Variants in CDC42EP4 observed in about 807,000 individuals in gnomAD.
The protein encoded by CDC42EP4 is CDC42 effector protein 4, also known as CDC42 effector protein (Rho GTPase binding) 4.
A neutral mutation model predicts 5.6 loss-of-function variants in CDC42EP4; 6 were observed. The ratio of observed to expected loss-of-function variants is 1.07; its 90% CI spans 0.59 to 2.12. CDC42EP4 has a LOEUF of 2.12. CDC42EP4 is among the 30% of genes most tolerant of loss of function. The pLI is 0.00. For synonymous variants in CDC42EP4, 230 were observed against 224.2 expected, an observed-to-expected ratio of 1.03 and a Z score of -0.23; for missense variants, 490 against 508.6, an observed-to-expected ratio of 0.96 and a Z score of 0.35.
At chr17:73,298,229 C>G (rs1181923769) in intron 1 of CDC42EP4, among the ~76,000 whole-genome samples, 1 of 152,124 alleles carries the variant, frequency 6.6e-6, no homozygotes, top group Non-Finnish European at 1.5e-5. Context: ...AAGCCAGACA[C>G]GTTTATTAGG....
chr17:73,298,324 C>A (rs1248258376), intron 1 of CDC42EP4, among the ~76,000 whole-genome samples: 1 of 152,170 alleles, frequency 6.6e-6, no homozygotes, highest in Admixed American at 6.5e-5. Flanking sequence ...GAGATCGGGA[C>A]CCTCTCAAAA....
chr17:73,295,771 G>A (rs1260212680), intron 1 of CDC42EP4, among the ~76,000 whole-genome samples: 1 of 151,984 alleles, frequency 6.6e-6, no homozygotes, highest in Non-Finnish European at 1.5e-5. Context: ...CAGGCATGGT[G>A]GCGGGTGCCT....
chr17:73,305,393 G>C (rs1310266552), intron 1 of CDC42EP4, among the ~76,000 whole-genome samples: 1 of 152,212 alleles, frequency 6.6e-6, no homozygotes, highest in African/African-American at 2.4e-5. Flanking sequence ...GATCGCAGAG[G>C]AAAGTGCCGC....
chr17:73,311,585 C>G (rs530850996), intron 1 of CDC42EP4: 2 of 152,632 alleles, frequency 1.3e-5, no homozygotes, highest in African/African-American at 4.8e-5. Context: ...GCCGGGAGTT[C>G]CAGCGTGGAG....
intron 1 of CDC42EP4, among the ~76,000 whole-genome samples, chr17:73,298,598 G>A (rs2062200587): frequency 6.6e-6 from 1 of 152,238 alleles, no homozygotes; most frequent in Non-Finnish European, 1.5e-5. Flanking sequence ...GGGGTCACAT[G>A]AGGGCAACCA....
At chr17:73,291,618 AG>A (rs2062161622) in intron 1 of CDC42EP4, among the ~76,000 whole-genome samples, 1 of 152,086 alleles carries the variant, frequency 6.6e-6, no homozygotes, top group Admixed American at 6.5e-5. Flanking sequence ...ATGGTGACTC[AG>A]CTCTGGGGAA....
In CDC42EP4 at chr17:73,285,163, C is replaced by A. The variant is rs1424891411; in HGVS notation, c.*267G>T. On this transcript the variant is annotated 3_prime_UTR_variant, in exon 2 of 2. Transcript: ENST00000335793. This position sits in a 1 kb window ranked among gnomAD's most constrained non-coding sequence, Gnocchi z 6.8. ...GGAGGCCAACAGAGGAAAACCTATTCCTGCTGTGACAACACAGCCCTTGTC... is the reference window on the plus strand; with the variant it reads ...GGAGGCCAACAGAGGAAAACCTATTACTGCTGTGACAACACAGCCCTTGTC... 9.4e-6 allele frequency: 3 copies of A among 318,420 alleles called. No homozygotes were observed. Among genetic ancestry groups the A allele is most frequent in the Non-Finnish European group, 1.7e-5 (3 of 173,238 alleles). The allele number at this position is 318,420 out of a possible 1,614,324, so 19.7% of individuals were successfully genotyped here.
chr17:73,304,492 C>T (rs530093773), intron 1 of CDC42EP4, among the ~76,000 whole-genome samples: 39 of 152,164 alleles, frequency 2.6e-4, no homozygotes, highest in African/African-American at 9.1e-4. Context: ...CCAACAATCC[C>T]ATGGAGTTAT....
chr17:73,292,484 G>A (rs1245261294), intron 1 of CDC42EP4, among the ~76,000 whole-genome samples: 2 of 151,756 alleles, frequency 1.3e-5, no homozygotes, highest in Admixed American at 6.6e-5. Flanking sequence ...CCCAGGGCAC[G>A]TGTGTAGTGT....
chr17:73,297,396 C>G (rs1373261715), intron 1 of CDC42EP4, among the ~76,000 whole-genome samples: 2 of 151,784 alleles, frequency 1.3e-5, no homozygotes, highest in African/African-American at 4.8e-5. Flanking sequence ...ATCTCTTGAA[C>G]CCGGGAGGCG....
rs1303517779 is a variant in CDC42EP4, at chr17:73,286,272, T to C, written c.229A>G (p.Ser77Gly). The change falls in exon 2 of 2, where the codon AGT becomes GGT. Residue 77 changes from serine (S) to glycine (G), a missense_variant. Transcript: ENST00000335793. This position sits in a 1 kb window ranked among gnomAD's most constrained non-coding sequence, Gnocchi z 7.7. ...CCCCGGAACTTCCTGGACAGGAGACTGCGTTTGGAAGATGAAGAAGAGGGC... is the reference window on the plus strand; with the variant it reads ...CCCCGGAACTTCCTGGACAGGAGACCGCGTTTGGAAGATGAAGAAGAGGGC... ...EQPSSSSSKR[S>G]LLSRKFRGSK... The C allele has an allele frequency of 2.5e-6, 4 of 1,614,186 alleles. No individual in the cohort carries two copies. The highest frequency in any genetic ancestry group is 2.5e-6 in the Non-Finnish European group (3 of 1,180,044).
chr17:73,299,691 C>G (rs1168322089), intron 1 of CDC42EP4, among the ~76,000 whole-genome samples: 1 of 152,094 alleles, frequency 6.6e-6, no homozygotes, highest in Non-Finnish European at 1.5e-5. Flanking sequence ...GGTGATGCTG[C>G]CTGACCTGTG....
At chr17:73,306,806 AAG>A (rs2062246164) in intron 1 of CDC42EP4, 1 of 152,338 alleles carries the variant, frequency 6.6e-6, no homozygotes, top group Non-Finnish European at 1.5e-5. Context: ...ACAGGCAGGA[AAG>A]AGAAGCCAGC....
At chr17:73,310,394 G>A (rs1046015483) in intron 1 of CDC42EP4, among the ~76,000 whole-genome samples, 2 of 152,106 alleles carry the variant, frequency 1.3e-5, no homozygotes, top group Non-Finnish European at 2.9e-5. Context: ...TGGCTGCTGG[G>A]GTTCGGACGA....
intron 1 of CDC42EP4, among the ~76,000 whole-genome samples, chr17:73,290,714 CG>C (rs2145310473): frequency 6.6e-6 from 1 of 152,268 alleles, no homozygotes; most frequent in East Asian, 1.9e-4. Context: ...AGCAGGGAGG[CG>C]GGTGTGGATG....
chr17:73,302,577 A>G (rs1568345342), intron 1 of CDC42EP4, among the ~76,000 whole-genome samples: 1 of 152,086 alleles, frequency 6.6e-6, no homozygotes, highest in African/African-American at 2.4e-5. Context: ...CCTAGGCTCA[A>G]GCAATCCTTC....
Position 73,284,017 on chromosome 17 carries a change from T to A in CDC42EP4, c.*1413A>T, listed in dbSNP as rs573408812. 2 of 152,252 alleles carry A rather than the reference T, an allele frequency of 1.3e-5. No homozygotes were observed. The highest frequency in any genetic ancestry group is 1.5e-5 in the Non-Finnish European group (1 of 68,050). 9.4% of individuals were successfully genotyped at this position (152,252 alleles called of 1,614,324 possible). ...AACCGGCAGTCAACCTCAGGGCTCA[T>A]ACCCGAGCTTCTGCTCAATCCCCTC... On this transcript the variant is annotated 3_prime_UTR_variant, in exon 2 of 2. Transcript: ENST00000335793.
At chr17:73,307,764 T>C (rs1362952701) in intron 1 of CDC42EP4, among the ~76,000 whole-genome samples, 47 of 142,132 alleles carry the variant, frequency 3.3e-4, no homozygotes, top group African/African-American at 8.5e-4. Context: ...TTCTCTCTTT[T>C]TTTTTTTTTT....
chr17:73,297,996 G>GAA lies in CDC42EP4; in HGVS notation c.-112-11386_-112-11385dup, dbSNP rs34291199. Among the ~76,000 whole-genome samples, 158 of 103,372 alleles carry GAA rather than the reference G, an allele frequency of 1.5e-3. 1 individual carries two copies. The highest frequency in any genetic ancestry group is 4.0e-3 in the African/African-American group (117 of 29,134). The allele number at this position is 103,372 out of a possible 152,430, so 67.8% of individuals were successfully genotyped here. On this transcript the variant is annotated intron_variant, in intron 1 of 1. Transcript: ENST00000335793. ...AAACAAACAAACAAACAACAACAGC[G>GAA]AAAAAAAAAAAAAAACCCAAAGTAT...
Sources: allele counts gnomAD v4.1 joint callset (sites outside exome capture counted in the v4.1 genomes callset), GRCh38; gene constraint gnomAD v4.1.1; non-coding constraint Gnocchi (gnomAD v3.1); transcripts MANE v1.5; gene names NCBI Gene and HGNC (gene_info 2026-07-23, HGNC 2026-07-21).